The following MITF variants were observed in gnomAD, a reference collection of about 807,000 sequenced individuals.
MITF encodes the protein microphthalmia-associated transcription factor.
MITF carries 17 observed loss-of-function variants against 60.5 expected under a neutral mutation model. That is an observed-to-expected ratio of 0.28 (90% CI 0.19 to 0.42). The LOEUF is 0.42. Ranked by LOEUF, MITF falls within the 10% of genes least tolerant of loss-of-function variation. The pLI, the probability that MITF is intolerant of heterozygous loss-of-function variation, is 1.00. For missense variants in MITF, 622 were observed against 683.5 expected, an observed-to-expected ratio of 0.91 and a Z score of 1.00; for synonymous variants, 260 against 248.5, an observed-to-expected ratio of 1.05 and a Z score of -0.43.
At chr3:69,796,612 T>C (rs1022273472) in intron 1 of MITF, among the ~76,000 whole-genome samples, 1 of 147,930 alleles carries the variant, frequency 6.8e-6, no homozygotes, top group Non-Finnish European at 1.5e-5. Flanking sequence ...GTTCACGCCA[T>C]TCTGCTGCCT....
At chr3:69,943,732 A>G (rs990677015) in intron 5 of MITF, among the ~76,000 whole-genome samples, 12 of 152,026 alleles carry the variant, frequency 7.9e-5, no homozygotes, top group African/African-American at 2.9e-4. Flanking sequence ...CTTCATGGAG[A>G]ACTTTTCCAC....
At chr3:69,786,404 G>C (rs1206136824) in intron 1 of MITF, among the ~76,000 whole-genome samples, 1 of 152,162 alleles carries the variant, frequency 6.6e-6, no homozygotes, top group African/African-American at 2.4e-5. Context: ...GTAGAGGTAA[G>C]ACGCTTTTGA....
chr3:69,818,585 T>C (rs921114328), intron 1 of MITF, among the ~76,000 whole-genome samples: 6 of 152,194 alleles, frequency 3.9e-5, no homozygotes, highest in Non-Finnish European at 5.9e-5. Flanking sequence ...GAAGAAACCA[T>C]GTTTATCTCC....
At chr3:69,791,210 A>G (rs2062734838) in intron 1 of MITF, among the ~76,000 whole-genome samples, 1 of 152,210 alleles carries the variant, frequency 6.6e-6, no homozygotes, top group African/African-American at 2.4e-5. Flanking sequence ...TTTGCTAATC[A>G]GGGAAATGCT....
Position 69,937,950 on chromosome 3 carries a change from A to T in MITF, c.483A>T (p.Pro161=), listed in dbSNP as rs1252317154. The T allele has an allele frequency of 6.2e-7, 1 of 1,614,156 alleles. No individual in the cohort carries two copies. Among genetic ancestry groups the T allele is most frequent in the South Asian group, 1.1e-5 (1 of 91,084 alleles). Reference sequence around the variant, plus strand: ...ACCAAGTCCTGAGCTTGCCATGTCCAAACCAGCCTGGCGATCATGTCATGC... The same window carrying T: ...ACCAAGTCCTGAGCTTGCCATGTCCTAACCAGCCTGGCGATCATGTCATGC... The part of the protein sequence containing the change: ...HANQVLSLPC[P]NQPGDHVMPP... Residue 161 remains proline (P), a synonymous_variant, in exon 3 of 10, where the codon CCA becomes CCT. Transcript: ENST00000352241.
intron 1 of MITF, among the ~76,000 whole-genome samples, chr3:69,822,522 G>A (rs1021042507): frequency 2.0e-5 from 3 of 152,086 alleles, no homozygotes; most frequent in African/African-American, 7.2e-5. Context: ...CAGACTAAAG[G>A]GCATATTTCA....
At chr3:69,906,506 G>A (rs1481047214) in intron 2 of MITF, among the ~76,000 whole-genome samples, 2 of 152,102 alleles carry the variant, frequency 1.3e-5, no homozygotes, top group Non-Finnish European at 2.9e-5. Context: ...GTTAATAAGT[G>A]CCATGATTTG....
In MITF at chr3:69,810,493, T is replaced by C. The variant is rs990750521; in HGVS notation, c.105-68641T>C. ...GGTGTGCTCAGCTTTTGAAATTAAG[T>C]AATAGAAGTAGGATTTAAAATAACT... On this transcript the variant is annotated intron_variant, in intron 1 of 9. Coordinates refer to ENST00000352241, the MANE Select transcript of MITF (RefSeq NM_001354604.2). Among the ~76,000 whole-genome samples the C allele has an allele frequency of 2.0e-5, 3 of 152,168 alleles. No individual in the cohort carries two copies. In the East Asian group the frequency reaches 5.8e-4, roughly 29 times the overall value.
chr3:69,740,366 A>C (rs1703485310), intron 1 of MITF, among the ~76,000 whole-genome samples: 1 of 151,980 alleles, frequency 6.6e-6, no homozygotes, highest in Non-Finnish European at 1.5e-5. Context: ...AGTCCCATTC[A>C]AATCCAGGCC....
At chr3:69,956,147 C>T (rs112631687) in intron 7 of MITF, among the ~76,000 whole-genome samples, 5 of 152,096 alleles carry the variant, frequency 3.3e-5, no homozygotes, top group East Asian at 1.9e-4. Context: ...TGGATGTCCT[C>T]GCCAAGTCCC....
chr3:69,892,713 C>T (rs899776188), intron 2 of MITF, among the ~76,000 whole-genome samples: 5 of 152,146 alleles, frequency 3.3e-5, no homozygotes, highest in African/African-American at 1.2e-4. Context: ...AATGGTAGCA[C>T]AAAATGGCCC....
intron 1 of MITF, among the ~76,000 whole-genome samples, chr3:69,753,846 T>G (rs1704028900): frequency 6.6e-6 from 1 of 152,248 alleles, no homozygotes. Context: ...TAACTTGTTT[T>G]TTAATTTATA....
intron 1 of MITF, among the ~76,000 whole-genome samples, chr3:69,780,762 A>G (rs929319867): frequency 6.6e-6 from 1 of 152,246 alleles, no homozygotes; most frequent in African/African-American, 2.4e-5. Flanking sequence ...TTGTTTCAAC[A>G]GGGAATAAAT....
intron 1 of MITF, among the ~76,000 whole-genome samples, chr3:69,847,176 G>T (rs565894381): frequency 7.9e-5 from 12 of 152,300 alleles, no homozygotes; most frequent in South Asian, 6.2e-4. Flanking sequence ...TGTCTTAGTT[G>T]TTGTATCCGT....
intron 4 of MITF, among the ~76,000 whole-genome samples, chr3:69,940,795 G>A (rs1419911019): frequency 6.6e-6 from 1 of 152,176 alleles, no homozygotes; most frequent in Non-Finnish European, 1.5e-5. Context: ...CATCTCTCCT[G>A]TTTAGGGCAG....
chr3:69,817,714 G>C (rs2107029264), intron 1 of MITF, among the ~76,000 whole-genome samples: 1 of 152,248 alleles, frequency 6.6e-6, no homozygotes, highest in African/African-American at 2.4e-5. Flanking sequence ...AATGGTGCAT[G>C]TATGGGTATG....
At chr3:69,740,273 C>G (rs1703481133) in intron 1 of MITF, among the ~76,000 whole-genome samples, 1 of 151,886 alleles carries the variant, frequency 6.6e-6, no homozygotes, top group Non-Finnish European at 1.5e-5. Context: ...CCTCTCACCT[C>G]CAGACCGCTG....
chr3:69,840,067 A>G (rs1269762833), intron 1 of MITF, among the ~76,000 whole-genome samples: 3 of 152,170 alleles, frequency 2.0e-5, no homozygotes, highest in Admixed American at 1.3e-4. Context: ...TGATGTAAGC[A>G]AGGGTATATT....
intron 1 of MITF, among the ~76,000 whole-genome samples, chr3:69,766,376 ATTT>A (rs753953309): frequency 1.1e-5 from 1 of 95,140 alleles, no homozygotes. Context: ...TGCCCAGCTA[ATTT>A]TTTTTTTTTT....
Sources: allele counts gnomAD v4.1 joint callset (sites outside exome capture counted in the v4.1 genomes callset), GRCh38; gene constraint gnomAD v4.1.1; transcripts MANE v1.5; gene names NCBI Gene and HGNC (gene_info 2026-07-23, HGNC 2026-07-21).